PTPRN2: variants seen among roughly 807,000 people sequenced by gnomAD.
PTPRN2 encodes the protein receptor-type tyrosine-protein phosphatase N2.
A neutral mutation model predicts 118.8 loss-of-function variants in PTPRN2; 74 were observed. The observed-to-expected ratio is 0.62, with a 90% CI of 0.52 to 0.76. The LOEUF (loss-of-function observed/expected upper bound fraction) is 0.76. Ranked by LOEUF, PTPRN2 falls within the 30% of genes least tolerant of loss-of-function variation. The pLI is 0.00. For missense variants in PTPRN2, 1,481 were observed against 1,394.4 expected (o/e 1.06, Z -0.99); for synonymous variants, 641 against 608.0 (o/e 1.05, Z -0.80).
chr7:157,920,269 G>A (rs1041574322), intron 11 of PTPRN2, among the ~76,000 whole-genome samples: 24 of 152,170 alleles, frequency 1.6e-4, no homozygotes, highest in African/African-American at 3.9e-4. Flanking sequence ...AATACAAAAC[G>A]TTTTTCAAAG....
At chr7:158,532,645 C>T (rs1477802141) in intron 1 of PTPRN2, 2 of 485,662 alleles carry the variant, frequency 4.1e-6, no homozygotes, top group African/African-American at 2.0e-5. Flanking sequence ...TTCAAAAACC[C>T]GGGACATGAT....
intron 5 of PTPRN2, among the ~76,000 whole-genome samples, chr7:158,190,891 T>G (rs1825707613): frequency 6.6e-6 from 1 of 152,258 alleles, no homozygotes; most frequent in Non-Finnish European, 1.5e-5. Flanking sequence ...CAAAGATGGC[T>G]GCCCAGGAGC....
chr7:157,776,888 C>T (rs111066530), intron 12 of PTPRN2, among the ~76,000 whole-genome samples: 11 of 106,348 alleles, frequency 1.0e-4, no homozygotes, highest in African/African-American at 3.9e-4. Context: ...TCTCCTCCTC[C>T]ATCTCCTCCT....
intron 1 of PTPRN2, among the ~76,000 whole-genome samples, chr7:158,552,326 G>A (rs1298119199): frequency 6.6e-6 from 1 of 151,664 alleles, no homozygotes; most frequent in African/African-American, 2.4e-5. Flanking sequence ...TTGGGGTGGG[G>A]CTCCAGTACA....
At chr7:158,470,698 T>C (rs1733136) in intron 2 of PTPRN2, among the ~76,000 whole-genome samples, 67,444 of 152,058 alleles carry the variant, frequency 0.44, 15,130 homozygotes, top group African/African-American at 0.46. Context: ...GGAACAAATG[T>C]ATACAGTGGG....
rs143995467 is a variant in PTPRN2, at chr7:157,656,435, G to A, written c.2118C>T (p.Ser706=). ...QFSDGPIPSP[S]ARSSASSWSE... is the part of the protein sequence containing the mutation. ...ACCAGGATGAGGCGCTGCTGCGTGC[G>A]GAGGGGCTGGGGATCGGCCCGTCGC... Residue 706 remains serine, a synonymous_variant, in exon 14 of 23, where the codon TCC becomes TCT. Transcript: ENST00000389418. The A allele has an allele frequency of 1.7e-5, 27 of 1,554,212 alleles. No individual in the cohort carries two copies. Among genetic ancestry groups the A allele is most frequent in the African/African-American group, 5.5e-5 (4 of 73,390 alleles).
rs556498410 is a variant in PTPRN2 at position 158,164,252 on chromosome 7, C to T, written c.910+2679G>A. Among the ~76,000 whole-genome samples the T allele has an allele frequency of 2.7e-3, 403 of 146,760 alleles. 6 individuals are homozygous for T. The highest frequency in any genetic ancestry group is 0.01 in the African/African-American group (368 of 36,750). On this transcript the variant is annotated intron_variant, in intron 6 of 22. Coordinates refer to ENST00000389418, the MANE Select transcript of PTPRN2 (RefSeq NM_002847.5). ...GAAGGGCTCGCAGAGCAGGAGCGCACGCGTAGGAAGAGCACGCAGAGCAAG... is the reference window on the plus strand; with the variant it reads ...GAAGGGCTCGCAGAGCAGGAGCGCATGCGTAGGAAGAGCACGCAGAGCAAG...
At chr7:158,560,318 G>A (rs1345716411) in intron 1 of PTPRN2, among the ~76,000 whole-genome samples, 1 of 152,248 alleles carries the variant, frequency 6.6e-6, no homozygotes, top group East Asian at 1.9e-4. Context: ...ACTTCTGATG[G>A]TTTCAGGTAT....
At chr7:158,585,383 T>C (rs1477596156) in intron 1 of PTPRN2, among the ~76,000 whole-genome samples, 1 of 152,212 alleles carries the variant, frequency 6.6e-6, no homozygotes, top group Non-Finnish European at 1.5e-5. Context: ...TACCTGAGAA[T>C]GTAGGTGATG....
chr7:158,234,106 C>T (rs758564273), intron 3 of PTPRN2, among the ~76,000 whole-genome samples: 10 of 151,810 alleles, frequency 6.6e-5, no homozygotes, highest in Non-Finnish European at 8.8e-5. Context: ...ATAACCAAAG[C>T]AAATAAAGAT....
At chr7:158,264,472 G>A (rs953849648) in intron 3 of PTPRN2, among the ~76,000 whole-genome samples, 10 of 152,204 alleles carry the variant, frequency 6.6e-5, no homozygotes, top group East Asian at 3.9e-4. Flanking sequence ...GAAGTTCACC[G>A]CCTAAGCCAC....
chr7:158,269,229 C>A (rs1286651901), intron 3 of PTPRN2, among the ~76,000 whole-genome samples: 1 of 152,118 alleles, frequency 6.6e-6, no homozygotes, highest in Non-Finnish European at 1.5e-5. Flanking sequence ...TCCCTCCCAT[C>A]GCCAAACCTC....
chr7:158,117,782 G>GA (rs142801094), intron 9 of PTPRN2, among the ~76,000 whole-genome samples: 50,868 of 148,516 alleles, frequency 0.34, 8,724 homozygotes, highest in Admixed American at 0.43. Context: ...TACAGGAAAA[G>GA]AAAAAAAAAA....
rs142759036 is a variant in PTPRN2 at position 157,919,337 on chromosome 7, T to G, written c.1724-20600A>C. 2.5e-3 allele frequency among the ~76,000 whole-genome samples: 380 copies of G among 152,212 alleles called. 2 individuals carry two copies. The highest frequency in any genetic ancestry group is 8.4e-3 in the African/African-American group (349 of 41,522). ...AATATTATTTTCAATAATTCTTAGGTTAAGAAGGAAATGGAAACTAAATTA... is the reference window on the plus strand; with the variant it reads ...AATATTATTTTCAATAATTCTTAGGGTAAGAAGGAAATGGAAACTAAATTA... On this transcript the variant is annotated intron_variant, in intron 11 of 22. Coordinates refer to ENST00000389418, the MANE Select transcript of PTPRN2 (RefSeq NM_002847.5).
intron 2 of PTPRN2, among the ~76,000 whole-genome samples, chr7:158,387,107 G>A (rs1251727751): frequency 6.6e-6 from 1 of 152,202 alleles, no homozygotes; most frequent in African/African-American, 2.4e-5. Context: ...AAATGCCTCT[G>A]AGGCCAAACC....
intron 2 of PTPRN2, among the ~76,000 whole-genome samples, chr7:158,365,105 C>A (rs1485248255): frequency 6.6e-6 from 1 of 152,224 alleles, no homozygotes; most frequent in East Asian, 1.9e-4. Context: ...AAATAGCCTT[C>A]ACTCTTCAGA....
At chr7:158,190,580 T>C (rs1825679266) in intron 5 of PTPRN2, among the ~76,000 whole-genome samples, 1 of 152,132 alleles carries the variant, frequency 6.6e-6, no homozygotes. Context: ...GAGGGAGACC[T>C]GGGGCCCACA....
chr7:157,820,920 C>T (rs564534761), intron 12 of PTPRN2, among the ~76,000 whole-genome samples: 2 of 152,324 alleles, frequency 1.3e-5, no homozygotes, highest in East Asian at 3.9e-4. Context: ...ATGAAGGAAA[C>T]AGTAACTGCC....
chr7:158,057,608 G>T (rs868752057), intron 11 of PTPRN2, among the ~76,000 whole-genome samples: 2 of 152,144 alleles, frequency 1.3e-5, no homozygotes, highest in Non-Finnish European at 2.9e-5. Flanking sequence ...ACGGCCAGCT[G>T]CCCTCCCCTC....
Sources: allele counts gnomAD v4.1 joint callset (sites outside exome capture counted in the v4.1 genomes callset), GRCh38; gene constraint gnomAD v4.1.1; transcripts MANE v1.5; gene names NCBI Gene and HGNC (gene_info 2026-07-23, HGNC 2026-07-21).